Variants in SV2C observed in about 807,000 individuals in gnomAD.
SV2C encodes the protein solute carrier family 22 member B3.
In SV2C, 49 loss-of-function variants were observed where a neutral mutation model predicts 79.7. The ratio of observed to expected loss-of-function variants is 0.61; its 90% CI spans 0.49 to 0.78. The LOEUF is 0.78. Among genes scored for constraint, SV2C ranks in the 30% least tolerant of loss-of-function variants. The pLI, the probability that SV2C is intolerant of heterozygous loss-of-function variation, is 0.00. For missense variants in SV2C, 833 were observed against 912.9 expected (o/e 0.91, Z 1.13); for synonymous variants, 334 against 333.2 (o/e 1.00, Z -0.03).
chr5:76,025,584 A>G, the SV2C span, among the ~76,000 whole-genome samples: 3 of 152,208 alleles, frequency 2.0e-5, no homozygotes, highest in Admixed American at 2.0e-4. Flanking sequence ...TTTTGAAAAC[A>G]ACAAAAACAT....
chr5:76,044,347 T>C, the SV2C span, among the ~76,000 whole-genome samples: 3 of 152,234 alleles, frequency 2.0e-5, no homozygotes, highest in African/African-American at 7.2e-5. Flanking sequence ...TCTTTGCTAT[T>C]GTGAATAGTG....
the SV2C span, among the ~76,000 whole-genome samples, chr5:75,980,821 C>T: frequency 3.9e-5 from 6 of 152,262 alleles, no homozygotes; most frequent in Admixed American, 3.3e-4. Flanking sequence ...GATGCTCTTT[C>T]TTACCACTCC....
At chr5:76,086,853 T>C (rs1219248139) in intron 1 of SV2C, among the ~76,000 whole-genome samples, 2 of 152,216 alleles carry the variant, frequency 1.3e-5, no homozygotes, top group Non-Finnish European at 2.9e-5. Context: ...AAAACACAAT[T>C]TTATTTTATT....
chr5:76,030,266 G>GTTTT, the SV2C span, among the ~76,000 whole-genome samples: 85 of 31,970 alleles, frequency 2.7e-3, no homozygotes, highest in East Asian at 6.3e-3. Context: ...TCAGAGGCTT[G>GTTTT]TTTTTTTTTT....
chr5:76,204,395 G>GT (rs1404412610), intron 3 of SV2C, among the ~76,000 whole-genome samples: 1 of 152,086 alleles, frequency 6.6e-6, no homozygotes, highest in Non-Finnish European at 1.5e-5. Context: ...GTCAGCTCTT[G>GT]GTAGACTCTG....
At chr5:76,167,427 CTTTCAGAGT>C (rs1743078453) in intron 2 of SV2C, among the ~76,000 whole-genome samples, 1 of 152,142 alleles carries the variant, frequency 6.6e-6, no homozygotes. Flanking sequence ...TGCCATGACT[CTTTCAGAGT>C]TGAGTTTCTG....
chr5:76,258,762 T>C (rs1192182443), intron 4 of SV2C, among the ~76,000 whole-genome samples: 1 of 152,212 alleles, frequency 6.6e-6, no homozygotes, highest in Non-Finnish European at 1.5e-5. Context: ...TATGCACCCA[T>C]GTAACCACCA....
At chr5:75,884,125 G>A in the SV2C span, among the ~76,000 whole-genome samples, 1 of 152,244 alleles carries the variant, frequency 6.6e-6, no homozygotes, top group Admixed American at 6.5e-5. Flanking sequence ...TCTTCAGGAA[G>A]GTAAACTGAA....
chr5:75,996,387 C>G, the SV2C span, among the ~76,000 whole-genome samples: 2 of 152,214 alleles, frequency 1.3e-5, no homozygotes, highest in African/African-American at 4.8e-5. Flanking sequence ...GTTACTGTAG[C>G]CTTGTAGTAT....
intron 1 of SV2C, among the ~76,000 whole-genome samples, chr5:76,086,274 A>G (rs927345370): frequency 6.6e-6 from 1 of 152,228 alleles, no homozygotes; most frequent in African/African-American, 2.4e-5. Context: ...TCACGTGACG[A>G]CAAGTACCAG....
the SV2C span, among the ~76,000 whole-genome samples, chr5:75,870,457 C>T: frequency 6.6e-6 from 1 of 151,226 alleles, no homozygotes; most frequent in African/African-American, 2.4e-5. Context: ...TTTGAAAATA[C>T]ACAGAGGAGA....
the SV2C span, among the ~76,000 whole-genome samples, chr5:76,045,429 GT>G: frequency 6.6e-6 from 1 of 152,242 alleles, no homozygotes; most frequent in East Asian, 1.9e-4. Flanking sequence ...TTTTAAAGTA[GT>G]TTTTTCTAAT....
intron 2 of SV2C, among the ~76,000 whole-genome samples, chr5:76,151,763 G>A (rs1158512462): frequency 6.6e-6 from 1 of 152,208 alleles, no homozygotes; most frequent in Non-Finnish European, 1.5e-5. Context: ...CAAGAATTGA[G>A]TGTGTCTTCT....
intron 2 of SV2C, chr5:76,173,567 G>T: frequency 1.3e-6 from 2 of 1,500,032 alleles, no homozygotes; most frequent in Admixed American, 3.3e-5. Context: ...TGGAATGCTG[G>T]CACTGTTGAA....
chr5:75,907,532 GAA>G, the SV2C span, among the ~76,000 whole-genome samples: 1 of 152,118 alleles, frequency 6.6e-6, no homozygotes, highest in Non-Finnish European at 1.5e-5. Flanking sequence ...AAACTGCTAA[GAA>G]AGAGAAGAGC....
the SV2C span, among the ~76,000 whole-genome samples, chr5:76,003,833 A>G: frequency 6.6e-6 from 1 of 151,794 alleles, no homozygotes; most frequent in African/African-American, 2.4e-5. Context: ...TGTGGAGCTC[A>G]GAGGGAGAAA....
chr5:75,966,491 C>T, the SV2C span, among the ~76,000 whole-genome samples: 3 of 152,186 alleles, frequency 2.0e-5, no homozygotes, highest in Non-Finnish European at 2.9e-5. Context: ...CCTTTAGTTG[C>T]CCTCGCTGCT....
In SV2C at chr5:76,331,394, C is replaced by T. The variant is rs1024409402; in HGVS notation, c.*5847C>T. 4 of 152,292 alleles carry T rather than the reference C, an allele frequency of 2.6e-5. No individual in the cohort carries two copies. The highest frequency in any genetic ancestry group is 7.2e-5 in the African/African-American group (3 of 41,442). 9.4% of individuals were successfully genotyped at this position (152,292 alleles called of 1,614,324 possible). A position where few individuals can be genotyped will look rare whatever the true frequency, so the allele number is the denominator to read the frequency against. ...GACATCCTAAAGCAGCTTCCCTCCT[C>T]GCTACCCTCAGCAGATAAGCCATCC... On this transcript the variant is annotated 3_prime_UTR_variant, in exon 13 of 13. Coordinates refer to ENST00000502798, the MANE Select transcript of SV2C (RefSeq NM_014979.4).
the SV2C span, among the ~76,000 whole-genome samples, chr5:76,037,036 T>A: frequency 6.6e-6 from 1 of 152,238 alleles, no homozygotes; most frequent in Non-Finnish European, 1.5e-5. Flanking sequence ...GTTGATCGCA[T>A]CAGCTCCTGA....
Sources: allele counts gnomAD v4.1 joint callset (sites outside exome capture counted in the v4.1 genomes callset), GRCh38; gene constraint gnomAD v4.1.1; transcripts MANE v1.5; gene names NCBI Gene and HGNC (gene_info 2026-07-23, HGNC 2026-07-21).